BOC: variants seen among roughly 807,000 people sequenced by gnomAD.
The protein encoded by BOC is BOC cell adhesion associated, oncogene regulated, also known as brother of CDO.
BOC carries 76 observed loss-of-function variants against 112.0 expected under a neutral mutation model. The ratio of observed to expected loss-of-function variants is 0.68; its 90% CI spans 0.56 to 0.82. The LOEUF (loss-of-function observed/expected upper bound fraction) is 0.82, where lower values mean the gene tolerates loss of function less well. Among genes scored for constraint, BOC ranks in the 40% least tolerant of loss-of-function variants. The pLI, the probability that BOC is intolerant of heterozygous loss-of-function variation, is 0.00. For missense variants in BOC, 1,309 were observed against 1,511.7 expected, an observed-to-expected ratio of 0.87 and a Z score of 2.22; for synonymous variants, 580 against 599.8, an observed-to-expected ratio of 0.97 and a Z score of 0.48.
intron 16 of BOC, 134 bp from the exon 17 acceptor site, chr3:113,284,201 T>C: frequency 1.4e-6 from 1 of 720,778 alleles, no homozygotes; most frequent in South Asian, 1.7e-5. Flanking sequence ...CTCCATCGCT[T>C]GGGCACTGTC....
chr3:113,240,553 T>C (rs1211577986), intron 2 of BOC, among the ~76,000 whole-genome samples: 1 of 152,200 alleles, frequency 6.6e-6, no homozygotes, highest in African/African-American at 2.4e-5. Context: ...TTCTATGTGT[T>C]AGAAATACCA....
intron 2 of BOC, among the ~76,000 whole-genome samples, chr3:113,229,138 T>C (rs567080292): frequency 2.6e-5 from 4 of 152,126 alleles, no homozygotes; most frequent in Non-Finnish European, 5.9e-5. Context: ...CCTCCCCCAG[T>C]AGGGACCAAA....
chr3:113,215,816 T>C (rs1318968464), intron 1 of BOC, among the ~76,000 whole-genome samples: 1 of 152,260 alleles, frequency 6.6e-6, no homozygotes, highest in Admixed American at 6.5e-5. Context: ...AGTTCATTCC[T>C]TGCCCTCTGT....
Position 113,250,700 on chromosome 3 carries a change from T to A in BOC, c.243T>A (p.Ala81=), listed in dbSNP as rs915719648. 4 of 1,614,152 alleles carry A rather than the reference T, an allele frequency of 2.5e-6. No homozygotes were observed. Among genetic ancestry groups the A allele is most frequent in the Non-Finnish European group, 3.4e-6 (4 of 1,180,034 alleles). ...NGKELNGSDD[A]LGVLITHGTL... ...AGGAGCTGAATGGCTCGGATGATGC[T>A]CTGGGTGTCCTCATCACCCACGGGA... The change falls in exon 4 of 20, where the codon GCT becomes GCA. Residue 81 remains alanine (A), a synonymous_variant. Coordinates refer to ENST00000682979, the MANE Select transcript of BOC (RefSeq NM_001378074.1).
In BOC at chr3:113,273,291, A is replaced by G. The variant is rs1948338341; in HGVS notation, c.1184A>G (p.Asn395Ser). The G allele has an allele frequency of 1.9e-6, 3 of 1,605,390 alleles. No homozygotes were observed. The highest frequency in any genetic ancestry group is 2.6e-6 in the Non-Finnish European group (3 of 1,173,666). ...DEGVYQCMAE[N>S]EVGSAHAVVQ... ...GGCGTCTACCAGTGCATGGCCGAGA[A>G]CGAGGTTGGGAGCGCCCATGCCGTA... The change falls in exon 8 of 20, where the codon AAC becomes AGC. Residue 395 changes from asparagine to serine, a missense_variant. By Grantham distance (46) the Asn-to-Ser change is conservative. Coordinates refer to ENST00000682979, the MANE Select transcript of BOC (RefSeq NM_001378074.1).
At chr3:113,260,662 TAGAATAGAACAGAACAGAACAGAAC>T (rs1354528240) in intron 4 of BOC, among the ~76,000 whole-genome samples, 1 of 85,008 alleles carries the variant, frequency 1.2e-5, no homozygotes, top group Non-Finnish European at 2.1e-5. Context: ...TCTATTAGAA[TAGAATAGAACAGAACAGAACAGAAC>T]AGAACAGAAC....
intron 15 of BOC, 90 bp from the exon 16 acceptor site, chr3:113,283,321 C>A: frequency 7.4e-7 from 1 of 1,342,478 alleles, no homozygotes; most frequent in African/African-American, 1.6e-5. Context: ...ATTTCCCAAA[C>A]CCATGGAATG....
At chr3:113,257,344 C>T (rs59388346) in intron 4 of BOC, among the ~76,000 whole-genome samples, 1 of 152,136 alleles carries the variant, frequency 6.6e-6, no homozygotes, top group African/African-American at 2.4e-5. Flanking sequence ...ACCCTGTTGC[C>T]CCAGCCCCTA....
intron 4 of BOC, among the ~76,000 whole-genome samples, chr3:113,265,714 G>A (rs1947407056): frequency 6.6e-6 from 1 of 152,192 alleles, no homozygotes; most frequent in Non-Finnish European, 1.5e-5. Flanking sequence ...GGCTCAGCCA[G>A]GACTGGGCTA....
chr3:113,283,631 A>AAGTG lies in BOC; in HGVS notation c.2656+9_2656+12dup. On this transcript the variant is annotated frameshift_variant and splice_region_variant, in exon 16 of 20. Coordinates refer to ENST00000682979, the MANE Select transcript of BOC (RefSeq NM_001378074.1). LOFTEE classifies it high-confidence loss of function. ...GCTTGTGGAGGGCCTGGTCTAAGCA[A>AAGTG]AGTGAGTGAGTGACGCTTTCAGTGG... 6.2e-7 allele frequency: 1 copy of AAGTG among 1,612,682 alleles called. No individual in the cohort carries two copies. The highest frequency in any genetic ancestry group is 1.1e-5 in the South Asian group (1 of 91,014).
At chr3:113,221,459 C>T (rs1274422220) in intron 2 of BOC, among the ~76,000 whole-genome samples, 2 of 152,148 alleles carry the variant, frequency 1.3e-5, no homozygotes, top group East Asian at 1.9e-4. Context: ...GTAGATAAAC[C>T]CCCCATGCCT....
At chr3:113,251,138 G>C in intron 4 of BOC, 6 of 570,168 alleles carry the variant, frequency 1.1e-5, no homozygotes, top group Non-Finnish European at 1.2e-5. Flanking sequence ...GAGCAGGGCC[G>C]TGCCGTGCCT....
intron 4 of BOC, among the ~76,000 whole-genome samples, chr3:113,257,242 C>A (rs1251843877): frequency 2.6e-5 from 4 of 152,218 alleles, no homozygotes; most frequent in African/African-American, 4.8e-5. Context: ...TATTCCTTAA[C>A]CTTTATGGAG....
intron 16 of BOC, 111 bp from the exon 17 acceptor site, chr3:113,284,224 A>T: frequency 1.2e-6 from 1 of 859,630 alleles, no homozygotes; most frequent in Non-Finnish European, 1.9e-6. Flanking sequence ...CTCCCTGCCT[A>T]CGTCCTTCAA....
chr3:113,273,980 A>G (rs1341339093), intron 8 of BOC, among the ~76,000 whole-genome samples: 1 of 152,168 alleles, frequency 6.6e-6, no homozygotes. Flanking sequence ...AAAGGCCCAC[A>G]TGGTGCCGTG....
At chr3:113,214,177 T>C (rs1221161200) in intron 1 of BOC, among the ~76,000 whole-genome samples, 1 of 152,220 alleles carries the variant, frequency 6.6e-6, no homozygotes, top group Non-Finnish European at 1.5e-5. Context: ...TCTGCTTAGC[T>C]GTTAATTGGT....
intron 1 of BOC, chr3:113,212,693 G>GGT (rs79115633): frequency 0.17 from 26,234 of 152,154 alleles, 2,367 homozygotes; most frequent in Non-Finnish European, 0.2. Flanking sequence ...AGGTGAAAGA[G>GGT]GTGTGTGTGT....
At position 113,273,090 on chromosome 3, in the gene BOC, A is replaced by T. The variant is rs751416964; in HGVS notation, c.983A>T (p.Glu328Val). 3 of 1,606,906 alleles carry T rather than the reference A, an allele frequency of 1.9e-6. No individual in the cohort carries two copies. In the South Asian group the frequency reaches 3.3e-5, roughly 18 times the overall value. ...GCAGAACCCCCTGAGGTCACCATGG[A>T]GCTATCCCAGCTGGTCATCCCCTGG... Reference protein sequence around the residue: ...QVFEPPEVTMELSQLVIPWGQ... With the variant: ...QVFEPPEVTMVLSQLVIPWGQ... Residue 328 changes from glutamate to valine, a missense_variant, in exon 8 of 20, where the codon GAG becomes GTG. By Grantham distance (121) the Glu-to-Val change is moderately radical. Coordinates refer to ENST00000682979, the MANE Select transcript of BOC (RefSeq NM_001378074.1).
rs534351204 is a variant in BOC, at chr3:113,271,975, T to C, written c.668-435T>C. On this transcript the variant is annotated intron_variant, in intron 6 of 19. Transcript: ENST00000682979. ...CTCTGAGATGCTCACTGAGAGACAG[T>C]TGGGCCTGAGAACCATAGGGTGGGG... 45 of 198,434 alleles carry C rather than the reference T, an allele frequency of 2.3e-4. 1 individual carries two copies. The highest frequency in any genetic ancestry group is 2.1e-3 in the Middle Eastern group (1 of 476). 12.3% of individuals were successfully genotyped at this position (198,434 alleles called of 1,614,324 possible). A position where few individuals can be genotyped will look rare whatever the true frequency, so the allele number is the denominator to read the frequency against.
Sources: gnomAD v4.1 joint callset for allele counts (sites outside exome capture counted in the v4.1 genomes callset) on GRCh38, gnomAD v4.1.1 for gene constraint, MANE v1.5 for transcripts, NCBI Gene and HGNC (gene_info 2026-07-23, HGNC 2026-07-21) for gene names.